The following RASSF3 variants were observed in gnomAD, a reference collection of about 807,000 sequenced individuals.
The protein encoded by RASSF3 is ras association domain-containing protein 3.
In RASSF3, 19 loss-of-function variants were observed where a neutral mutation model predicts 19.9. That is an observed-to-expected ratio of 0.96 (90% CI 0.67 to 1.40). The LOEUF (loss-of-function observed/expected upper bound fraction) is 1.40, where lower values mean the gene tolerates loss of function less well. Ranked by LOEUF, RASSF3 falls within the 40% of genes most tolerant of loss-of-function variation. RASSF3 has a pLI of 0.00. For missense variants in RASSF3, 306 were observed against 289.8 expected (o/e 1.06, Z -0.41); for synonymous variants, 110 against 104.2 (o/e 1.06, Z -0.34).
At position 64,689,791 on chromosome 12, in the gene RASSF3, C is replaced by CTTTTTTTTTTTTTTTTTTTTTTTTT. The variant is rs762822586; in HGVS notation, c.457+1351_457+1352insTTTTTTTTTTTTTTTTTTTTTTTTT. On this transcript the variant is annotated intron_variant, in intron 3 of 4. Transcript: ENST00000542104. Reference sequence around the variant, plus strand: ...GTTTGTAGCTGCTAATTCGCTAATTCTTTTTTTTTTTTTGAGACGGAGTCT... The same window carrying CTTTTTTTTTTTTTTTTTTTTTTTTT: ...GTTTGTAGCTGCTAATTCGCTAATTCTTTTTTTTTTTTTTTTTTTTTTTTTTTTTTTTTTTTTTGAGACGGAGTCT... Among the ~76,000 whole-genome samples the CTTTTTTTTTTTTTTTTTTTTTTTTT allele has an allele frequency of 4.1e-5, 4 of 96,556 alleles. 1 individual carries two copies. Among genetic ancestry groups the CTTTTTTTTTTTTTTTTTTTTTTTTT allele is most frequent in the Non-Finnish European group, 8.0e-5 (4 of 49,920 alleles). The allele number at this position is 96,556 out of a possible 152,430, so 63.3% of individuals were successfully genotyped here.
intron 2 of RASSF3, among the ~76,000 whole-genome samples, chr12:64,580,611 C>CACACAT (rs1869678600): frequency 6.6e-6 from 1 of 151,306 alleles, no homozygotes; most frequent in Non-Finnish European, 1.5e-5. Context: ...CACACACACA[C>CACACAT]ACATCCACAC....
upstream of RASSF3, among the ~76,000 whole-genome samples, chr12:64,528,309 C>T (rs536365092): frequency 4.8e-4 from 73 of 152,282 alleles, no homozygotes; most frequent in African/African-American, 1.6e-3. Context: ...CGATACATAA[C>T]TACTAAAATT....
chr12:64,610,013 G>T (rs1341717182), upstream of RASSF3, among the ~76,000 whole-genome samples: 1 of 152,154 alleles, frequency 6.6e-6, no homozygotes, highest in Non-Finnish European at 1.5e-5. Context: ...TCAGGACTGG[G>T]CGTTGCGGCT....
chr12:64,577,331 C>T (rs1213474956), intron 2 of RASSF3, among the ~76,000 whole-genome samples: 1 of 152,204 alleles, frequency 6.6e-6, no homozygotes, highest in East Asian at 1.9e-4. Flanking sequence ...TTGCTGCTGC[C>T]ATTTAGCGCT....
downstream of RASSF3, among the ~76,000 whole-genome samples, chr12:64,542,434 T>A (rs1437325875): frequency 6.6e-6 from 1 of 152,202 alleles, no homozygotes; most frequent in Non-Finnish European, 1.5e-5. Context: ...AACTAGTAGA[T>A]CCTCAACCTG....
chr12:64,567,408 T>C (rs1237858557), intron 2 of RASSF3, among the ~76,000 whole-genome samples: 1 of 152,170 alleles, frequency 6.6e-6, no homozygotes, highest in Non-Finnish European at 1.5e-5. Flanking sequence ...CCAGCCTCCC[T>C]TGTGTTAAGT....
intron 1 of RASSF3, among the ~76,000 whole-genome samples, chr12:64,657,496 G>A (rs952972438): frequency 1.3e-5 from 2 of 152,206 alleles, no homozygotes; most frequent in Non-Finnish European, 2.9e-5. Flanking sequence ...TCACTTTGAT[G>A]AAAAGAAAGG....
intron 2 of RASSF3, among the ~76,000 whole-genome samples, chr12:64,595,225 G>A (rs1453306952): frequency 6.6e-6 from 1 of 151,640 alleles, no homozygotes; most frequent in Non-Finnish European, 1.5e-5. Flanking sequence ...GTGCCACCAC[G>A]CCAGGCTAAT....
chr12:64,545,078 C>T (rs1032784078), downstream of RASSF3, among the ~76,000 whole-genome samples: 6 of 152,312 alleles, frequency 3.9e-5, no homozygotes, highest in African/African-American at 1.4e-4. Flanking sequence ...GTGAAGTTTA[C>T]AACTGGAGCC....
chr12:64,540,087 T>C (rs1868909088), intron 1 of RASSF3, among the ~76,000 whole-genome samples: 1 of 152,222 alleles, frequency 6.6e-6, no homozygotes, highest in Non-Finnish European at 1.5e-5. Flanking sequence ...GCCTGTTTTA[T>C]CTGAAGCTTA....
At chr12:64,631,897 G>T (rs1871181673) in intron 1 of RASSF3, among the ~76,000 whole-genome samples, 1 of 152,022 alleles carries the variant, frequency 6.6e-6, no homozygotes, top group African/African-American at 2.4e-5. Flanking sequence ...ATTTTTAGAT[G>T]AGAGGACTTC....
intron 1 of RASSF3, among the ~76,000 whole-genome samples, chr12:64,516,998 C>CAAAAAA (rs371430838): frequency 2.7e-3 from 135 of 50,870 alleles, no homozygotes; most frequent in Non-Finnish European, 3.4e-3. Flanking sequence ...AAATCTGTCT[C>CAAAAAA]AAAAAAAAAA....
intron 2 of RASSF3, among the ~76,000 whole-genome samples, chr12:64,604,130 T>A (rs1328628452): frequency 1.5e-5 from 2 of 136,526 alleles, no homozygotes; most frequent in African/African-American, 5.5e-5. Flanking sequence ...ACAGGTTTTC[T>A]TTTTTTTTTT....
chr12:64,564,110 C>A (rs1869391003), intron 2 of RASSF3, among the ~76,000 whole-genome samples: 1 of 152,146 alleles, frequency 6.6e-6, no homozygotes, highest in Non-Finnish European at 1.5e-5. Context: ...TGACATAAAT[C>A]TTTTGGCTTT....
chr12:64,543,328 C>T (rs1156759484), downstream of RASSF3, among the ~76,000 whole-genome samples: 2 of 151,210 alleles, frequency 1.3e-5, no homozygotes, highest in African/African-American at 4.9e-5. Flanking sequence ...GGCCCACCAG[C>T]GCTGCGCTCG....
At chr12:64,691,365 G>A in intron 3 of RASSF3, 105 bp from the exon 4 acceptor site, 1 of 740,884 alleles carries the variant, frequency 1.3e-6, no homozygotes, top group Non-Finnish European at 2.4e-6. Flanking sequence ...TAGAGGCTGG[G>A]GTAACTTGGA....
At chr12:64,648,586 G>T (rs1465644841) in intron 1 of RASSF3, among the ~76,000 whole-genome samples, 1 of 151,322 alleles carries the variant, frequency 6.6e-6, no homozygotes, top group Non-Finnish European at 1.5e-5. Flanking sequence ...GGATTCAAGC[G>T]ATTATCCTGC....
intron 1 of RASSF3, 65 bp downstream of exon 1, chr12:64,610,808 G>A: frequency 9.7e-7 from 1 of 1,029,990 alleles, no homozygotes; most frequent in Non-Finnish European, 1.4e-6. Flanking sequence ...GCCAGCCCGC[G>A]CCCCCTGCCT....
At chr12:64,555,203 C>T (rs1260597478) in intron 2 of RASSF3, among the ~76,000 whole-genome samples, 1 of 151,528 alleles carries the variant, frequency 6.6e-6, no homozygotes, top group East Asian at 1.9e-4. Flanking sequence ...AAGATCGCAC[C>T]ACTGCACTCC....
Sources: allele counts gnomAD v4.1 joint callset (sites outside exome capture counted in the v4.1 genomes callset), GRCh38; gene constraint gnomAD v4.1.1; transcripts MANE v1.5; gene names NCBI Gene and HGNC (gene_info 2026-07-23, HGNC 2026-07-21).